FUBP3: variants seen among roughly 807,000 people sequenced by gnomAD.
The protein encoded by FUBP3 is far upstream element binding protein 3.
Under a neutral mutation model 85.6 loss-of-function variants are expected in FUBP3, and 28 were observed. The ratio of observed to expected loss-of-function variants is 0.33; its 90% confidence interval spans 0.24 to 0.45. The LOEUF is 0.45. FUBP3 is among the 20% of genes least tolerant of loss of function. FUBP3 has a pLI of 1.00. For missense variants in FUBP3, 583 were observed against 755.1 expected (o/e 0.77, Z 2.67); for synonymous variants, 271 against 271.4 (o/e 1.00, Z 0.01).
intron 1 of FUBP3, among the ~76,000 whole-genome samples, chr9:130,589,703 A>ATTTTT (rs1441029705): frequency 9.4e-4 from 27 of 28,582 alleles, no homozygotes; most frequent in African/African-American, 1.2e-3. Flanking sequence ...ATATATATAT[A>ATTTTT]TATTTTTTTT....
In FUBP3 at chr9:130,633,907, T is replaced by C. The variant is rs138839557; in HGVS notation, c.1511-760T>C. 3.3e-3 allele frequency among the ~76,000 whole-genome samples: 509 copies of C among 152,298 alleles called. 3 individuals are homozygous for C. Among genetic ancestry groups the C allele is most frequent in the Non-Finnish European group, 5.6e-3 (379 of 68,008 alleles). ...TCCTCCCTGCTTCAGGCTACAATCC[T>C]TACAGGAGACGAGACAGTGAGGGGG... On this transcript the variant is annotated intron_variant, in intron 16 of 18. Transcript: ENST00000319725.
chr9:130,617,924 C>A (rs1399871027), intron 8 of FUBP3, 29 bp downstream of exon 8: 1 of 1,114,222 alleles, frequency 9.0e-7, no homozygotes, highest in Non-Finnish European at 1.4e-6. Context: ...TTGGGTGAGT[C>A]CTGGCTGTTG....
At chr9:130,615,252 T>C in intron 6 of FUBP3, among the ~76,000 whole-genome samples, 1 of 152,188 alleles carries the variant, frequency 6.6e-6, no homozygotes, top group East Asian at 1.9e-4. Flanking sequence ...AGGCAAAATA[T>C]TAAAAAGCTG....
chr9:130,620,481 T>C (rs1229375354), intron 9 of FUBP3, 23 bp downstream of exon 9: 2 of 1,221,584 alleles, frequency 1.6e-6, no homozygotes, highest in Non-Finnish European at 2.4e-6. Context: ...TACAGGTTAG[T>C]AGGCAAATGA....
At chr9:130,617,701 C>T (rs944583494) in intron 7 of FUBP3, 96 bp from the exon 8 acceptor site, 18 of 824,808 alleles carry the variant, frequency 2.2e-5, no homozygotes, top group Non-Finnish European at 3.7e-5. Context: ...GTGGGATGTG[C>T]GCTTATTGTG....
At chr9:130,584,881 G>A (rs908847998) in intron 1 of FUBP3, among the ~76,000 whole-genome samples, 4 of 149,662 alleles carry the variant, frequency 2.7e-5, no homozygotes, top group Admixed American at 2.0e-4. Flanking sequence ...AAAAAGTTTC[G>A]GTCAGGCACT....
intron 1 of FUBP3, chr9:130,580,770 G>C (rs1830102256): frequency 6.6e-6 from 1 of 152,288 alleles, no homozygotes; most frequent in African/African-American, 2.4e-5. Flanking sequence ...CTGTTTCCCT[G>C]ATAACTGACT....
At chr9:130,604,134 C>CA (rs1201886310) in intron 2 of FUBP3, among the ~76,000 whole-genome samples, 1 of 152,144 alleles carries the variant, frequency 6.6e-6, no homozygotes, top group Non-Finnish European at 1.5e-5. Context: ...AAACCAATCC[C>CA]AAAAAACTAC....
At chr9:130,599,357 A>ATGTG (rs1348116004) in intron 2 of FUBP3, among the ~76,000 whole-genome samples, 1 of 74,454 alleles carries the variant, frequency 1.3e-5, no homozygotes, top group Non-Finnish European at 2.3e-5. Flanking sequence ...ATATATAAGT[A>ATGTG]TATGTGTGTG....
chr9:130,607,274 ACCT>A (rs1165220128), intron 2 of FUBP3, among the ~76,000 whole-genome samples: 2 of 146,738 alleles, frequency 1.4e-5, no homozygotes, highest in African/African-American at 5.0e-5. Flanking sequence ...ACCTGACCTG[ACCT>A]CCTTTTTTTT....
At chr9:130,619,156 T>C (rs1002464826) in intron 8 of FUBP3, among the ~76,000 whole-genome samples, 5 of 152,214 alleles carry the variant, frequency 3.3e-5, no homozygotes, top group Admixed American at 1.3e-4. Flanking sequence ...TCAGAGGCCT[T>C]CTTTTTCTAT....
rs377028872 is a variant in FUBP3, at chr9:130,635,965, C to A, written c.1583-34C>A. The A allele has an allele frequency of 1.9e-6, 3 of 1,608,336 alleles. No individual in the cohort carries two copies. In the African/African-American group the frequency reaches 4.0e-5, roughly 21 times the overall value. On this transcript the variant is annotated intron_variant, in intron 17 of 18. Transcript: ENST00000319725. This position sits in a 1 kb window ranked among gnomAD's most constrained non-coding sequence, Gnocchi z 4.3. ...GGGTCCTGCCCAGTGCACCTCCGCT[C>A]CCGATAACCTGTGTTTCCTCCTTTG... is the stretch of plus-strand genomic sequence containing the variant.
At chr9:130,626,294 C>G (rs1829967857) in intron 11 of FUBP3, 70 bp from the exon 12 acceptor site, 3 of 1,512,982 alleles carry the variant, frequency 2.0e-6, no homozygotes, top group Non-Finnish European at 1.8e-6. Context: ...TTAACCTCCT[C>G]CCTGGAAAAG....
intron 11 of FUBP3, among the ~76,000 whole-genome samples, chr9:130,624,557 T>C (rs1033934359): frequency 6.6e-6 from 1 of 151,872 alleles, no homozygotes; most frequent in Non-Finnish European, 1.5e-5. Context: ...AGGAACAGCA[T>C]TGAATGCAGC....
Position 130,616,253 on chromosome 9 carries a change from C to G in FUBP3, c.405-102C>G. Reference sequence around the variant, plus strand: ...GAGCTGGAGCTGGATGGAGGGCTGCCCTGACTCCCGCAGGTTTTTCCCTCA... The same window carrying G: ...GAGCTGGAGCTGGATGGAGGGCTGCGCTGACTCCCGCAGGTTTTTCCCTCA... On this transcript the variant is annotated intron_variant, in intron 6 of 18. Transcript: ENST00000319725. This position sits in a 1 kb window ranked among gnomAD's most constrained non-coding sequence, Gnocchi z 4.7. 1 of 1,101,820 alleles carries G rather than the reference C, an allele frequency of 9.1e-7. No individual in the cohort carries two copies. The highest frequency in any genetic ancestry group is 1.3e-6 in the Non-Finnish European group (1 of 749,270). 68.3% of individuals were successfully genotyped at this position (1,101,820 alleles called of 1,614,324 possible). A position where few individuals can be genotyped will look rare whatever the true frequency, so the allele number is the denominator to read the frequency against.
chr9:130,594,541 C>A (rs568122774), intron 1 of FUBP3, among the ~76,000 whole-genome samples: 24 of 152,090 alleles, frequency 1.6e-4, no homozygotes, highest in African/African-American at 5.8e-4. Flanking sequence ...TGAGATCGTG[C>A]CATTGCACTC....
At position 130,637,128 on chromosome 9, in the gene FUBP3, TTTG is replaced by T. The variant is rs1159298192; in HGVS notation, c.*109_*111del. 4.2e-4 allele frequency: 394 copies of T among 935,532 alleles called. 2 individuals carry two copies. Among genetic ancestry groups the T allele is most frequent in the Non-Finnish European group, 3.4e-4 (192 of 568,236 alleles). The allele number at this position is 935,532 out of a possible 1,614,324, so 58.0% of individuals were successfully genotyped here. On this transcript the variant is annotated 3_prime_UTR_variant, in exon 19 of 19. Transcript: ENST00000319725. Reference sequence around the variant, plus strand: ...AAACCTTTTGATGAAGAACTGTTGTTTTGTTCTGTGAAACACTATATTTAGATT... The same window carrying T: ...AAACCTTTTGATGAAGAACTGTTGTTTTCTGTGAAACACTATATTTAGATT...
chr9:130,632,615 C>T (rs1830260098), intron 16 of FUBP3, among the ~76,000 whole-genome samples: 1 of 152,222 alleles, frequency 6.6e-6, no homozygotes, highest in South Asian at 2.1e-4. Flanking sequence ...AGCTTCTGCT[C>T]CTCCTCTTCT....
intron 12 of FUBP3, among the ~76,000 whole-genome samples, chr9:130,626,954 G>A (rs951167312): frequency 2.6e-5 from 4 of 152,200 alleles, no homozygotes; most frequent in South Asian, 4.1e-4. Flanking sequence ...CTTGATCCGC[G>A]TAACATGTGA....
Sources: allele counts gnomAD v4.1 joint callset (sites outside exome capture counted in the v4.1 genomes callset), GRCh38; gene constraint gnomAD v4.1.1; non-coding constraint Gnocchi (gnomAD v3.1); transcripts MANE v1.5; gene names NCBI Gene and HGNC (gene_info 2026-07-23, HGNC 2026-07-21).